The following FASTKD5 variants were observed in gnomAD, a reference collection of about 807,000 sequenced individuals.
FASTKD5 encodes non-canonical pre-mRNAs endonuclease FASTKD5, mitochondrial.
FASTKD5 carries 30 observed loss-of-function variants against 44.0 expected under a neutral mutation model. The observed-to-expected ratio is 0.68, with a 90% CI of 0.51 to 0.93. FASTKD5 has a LOEUF of 0.93. Ranked by LOEUF, FASTKD5 falls within the 40% of genes least tolerant of loss-of-function variation. FASTKD5 has a pLI of 0.00. For synonymous variants in FASTKD5, 335 were observed against 342.2 expected (o/e 0.98, Z 0.23); for missense variants, 868 against 908.2 (o/e 0.96, Z 0.57).
chr20:3,158,712 G>C (rs937789774), intron 1 of FASTKD5, among the ~76,000 whole-genome samples: 1 of 151,876 alleles, frequency 6.6e-6, no homozygotes, highest in African/African-American at 2.4e-5. Context: ...CTGACCTCGT[G>C]ATCCGCCCGC....
At chr20:3,152,067 TGC>T (rs2066631662) in intron 1 of FASTKD5, among the ~76,000 whole-genome samples, 1 of 133,106 alleles carries the variant, frequency 7.5e-6, no homozygotes, top group South Asian at 2.3e-4. Context: ...ATGGTGCCAC[TGC>T]ACTGCAGCCT....
Position 3,148,900 on chromosome 20 carries a change from C to T in FASTKD5, c.171G>A (p.Lys57=), listed in dbSNP as rs1387409429. ...ISLCHSAKKV[K]NICSTFSSRR... Reference sequence around the variant, plus strand: ...GAGAAGAGAAGGTGCTACATATGTTCTTAACTTTTTTGGCAGAATGGCAGA... The same window carrying T: ...GAGAAGAGAAGGTGCTACATATGTTTTTAACTTTTTTGGCAGAATGGCAGA... Residue 57 remains lysine (K), a synonymous_variant, in exon 2 of 2, where the codon AAG becomes AAA. Transcript: ENST00000380266. The T allele has an allele frequency of 6.8e-6, 11 of 1,614,172 alleles. No individual in the cohort carries two copies. The Middle Eastern group carries it at 4.9e-4, about 73-fold the overall frequency.
rs769074704 is a variant in FASTKD5 at position 3,149,029 on chromosome 20, T to C, written c.42A>G (p.Arg14=). 3.1e-6 allele frequency: 5 copies of C among 1,613,852 alleles called. No individual in the cohort carries two copies. In the Admixed American group the frequency reaches 8.3e-5, roughly 27 times the overall value. Residue 14 remains arginine, a synonymous_variant, in exon 2 of 2, where the codon CGA becomes CGG. Transcript: ENST00000380266. This position sits in a 1 kb window ranked among gnomAD's most constrained non-coding sequence, Gnocchi z 4.1. ...TLKSLKLVRY[R]AFCSPSAFGA... ...CAAAGGCAGAAGGACTGCAAAATGCTCGGTATCTTACAAGTTTTAATGACT... is the reference window on the plus strand; with the variant it reads ...CAAAGGCAGAAGGACTGCAAAATGCCCGGTATCTTACAAGTTTTAATGACT...
chr20:3,150,608 T>A (rs2148623097), intron 1 of FASTKD5: 2 of 152,374 alleles, frequency 1.3e-5, no homozygotes, highest in East Asian at 3.9e-4. Context: ...GGGCTGTTGC[T>A]GCAGAAAACT....
chr20:3,153,534 T>C (rs890192027), intron 1 of FASTKD5, among the ~76,000 whole-genome samples: 16 of 152,238 alleles, frequency 1.1e-4, no homozygotes, highest in African/African-American at 3.9e-4. Flanking sequence ...TTAAAGACTG[T>C]CTGACTCTTC....
chr20:3,152,194 T>C (rs370791464), intron 1 of FASTKD5, among the ~76,000 whole-genome samples: 4 of 151,488 alleles, frequency 2.6e-5, no homozygotes, highest in African/African-American at 4.9e-5. Context: ...AGAAGACCTA[T>C]TTTTGGCTGG....
intron 1 of FASTKD5, among the ~76,000 whole-genome samples, chr20:3,154,539 C>T (rs2066664947): frequency 6.6e-6 from 1 of 152,024 alleles, no homozygotes; most frequent in African/African-American, 2.4e-5. Flanking sequence ...AGAAATTAGC[C>T]AAGCCTGGTG....
At chr20:3,156,352 A>G (rs1321705924) in intron 1 of FASTKD5, among the ~76,000 whole-genome samples, 1 of 151,614 alleles carries the variant, frequency 6.6e-6, no homozygotes, top group Non-Finnish European at 1.5e-5. Context: ...ATTTTTTTGT[A>G]TTTTTTGGTA....
chr20:3,149,060 G>A lies in FASTKD5; in HGVS notation c.11C>T (p.Thr4Ile). MAATLKSLKLVRYR... is the reference protein window; with the variant it reads MAAILKSLKLVRYR... ...TCTTACAAGTTTTAATGACTTGAGA[G>A]TAGCTGCCATTCTGGTGTCAGTATT... The change falls in exon 2 of 2, where the codon ACT (threonine) becomes ATT (isoleucine). Residue 4 changes from threonine to isoleucine, a missense_variant. Transcript: ENST00000380266. The surrounding 1 kb of genome is among the most constrained non-coding windows in gnomAD (Gnocchi z 4.1). 16 of 1,610,312 alleles carry A rather than the reference G, an allele frequency of 9.9e-6. No homozygotes were observed. The highest frequency in any genetic ancestry group is 1.4e-5 in the Non-Finnish European group (16 of 1,177,778).
rs1336237528 is a variant in FASTKD5, at chr20:3,151,593, G to A, written c.-190-2333C>T. On this transcript the variant is annotated intron_variant, in intron 1 of 1. Transcript: ENST00000380266. ...GCTTGAGGCCAGGAGTTTGAGACCA[G>A]CCTGAACAACACAGCAAGACTGTCT... 5.3e-5 allele frequency: 8 copies of A among 151,622 alleles called. No homozygotes were observed. In the East Asian group the frequency reaches 9.7e-4, roughly 18 times the overall value. The allele number at this position is 151,622 out of a possible 1,614,324, so 9.4% of individuals were successfully genotyped here.
chr20:3,149,035 TCTTA>T lies in FASTKD5; in HGVS notation c.32_35del (p.Val11AspfsTer22). 2 of 1,613,638 alleles carry T rather than the reference TCTTA, an allele frequency of 1.2e-6. No homozygotes were observed. The highest frequency in any genetic ancestry group is 1.7e-6 in the Non-Finnish European group (2 of 1,179,750). ...CAGAAGGACTGCAAAATGCTCGGTATCTTACAAGTTTTAATGACTTGAGAGTAGC... is the reference window on the plus strand; with the variant it reads ...CAGAAGGACTGCAAAATGCTCGGTATCAAGTTTTAATGACTTGAGAGTAGC... On this transcript the variant is annotated frameshift_variant, in exon 2 of 2. Coordinates refer to ENST00000380266, the MANE Select transcript of FASTKD5 (RefSeq NM_021826.5). LOFTEE classifies it high-confidence loss of function. This position sits in a 1 kb window ranked among gnomAD's most constrained non-coding sequence, Gnocchi z 4.1.
In FASTKD5 at chr20:3,147,012, C is replaced by G. The variant is rs371032615; in HGVS notation, c.2059G>C (p.Ala687Pro). 3.7e-6 allele frequency: 6 copies of G among 1,614,030 alleles called. No homozygotes were observed. The African/African-American group carries it at 6.7e-5, about 18-fold the overall frequency. The change falls in exon 2 of 2, where the codon GCA becomes CCA. Residue 687 changes from alanine (A) to proline (P), a missense_variant. Ala to Pro is a conservative substitution (Grantham distance 27, BLOSUM62 -1). Transcript: ENST00000380266. Reference protein sequence around the residue: ...GAMEMAGLCPAACMQTPRMKL... With the variant: ...GAMEMAGLCPPACMQTPRMKL... ...ATTCTTGGGGTCTGCATGCAGGCTG[C>G]GGGGCACAGGCCAGCCATCTCCATG...
Position 3,146,882 on chromosome 20 carries a change from T to C in FASTKD5, c.2189A>G (p.Tyr730Cys), listed in dbSNP as rs766983390. ...MKRRQLARLG[Y>C]RVVELSYWEW... ...CCAGTAGGATAACTCTACCACACGG[T>C]AGCCAAGCCGAGCCAGCTGCCGCCT... is the stretch of plus-strand genomic sequence containing the variant. Residue 730 changes from tyrosine to cysteine, a missense_variant, in exon 2 of 2, where the codon TAC becomes TGC. Physicochemically the swap from Tyr to Cys is radical, Grantham distance 194. Coordinates refer to ENST00000380266, the MANE Select transcript of FASTKD5 (RefSeq NM_021826.5). 5 of 1,614,148 alleles carry C rather than the reference T, an allele frequency of 3.1e-6. No homozygotes were observed. The highest frequency in any genetic ancestry group is 4.2e-6 in the Non-Finnish European group (5 of 1,180,028).
Position 3,147,930 on chromosome 20 carries a change from C to T in FASTKD5, c.1141G>A (p.Ala381Thr), listed in dbSNP as rs2066584650. The T allele has an allele frequency of 2.5e-6, 4 of 1,614,094 alleles. No individual in the cohort carries two copies. The East Asian group carries it at 6.7e-5, about 27-fold the overall frequency. The change falls in exon 2 of 2, where the codon GCT becomes ACT. Residue 381 changes from alanine to threonine, a missense_variant. By Grantham distance (58) the Ala-to-Thr change is moderately conservative. Transcript: ENST00000380266. The part of the protein sequence containing the change: ...INFMKQIGEI[A>T]PQRIPSLGVQ... Reference sequence around the variant, plus strand: ...CCCAGGGAAGGAATTCGCTGAGGAGCTATCTCTCCAATCTGCTTCATGAAA... The same window carrying T: ...CCCAGGGAAGGAATTCGCTGAGGAGTTATCTCTCCAATCTGCTTCATGAAA...
In FASTKD5 at chr20:3,149,528, C is replaced by T. The variant is rs774042046; in HGVS notation, c.-190-268G>A. Among the ~76,000 whole-genome samples, 9 of 152,096 alleles carry T rather than the reference C, an allele frequency of 5.9e-5. No homozygotes were observed. The highest frequency in any genetic ancestry group is 1.3e-4 in the Non-Finnish European group (9 of 68,008). ...CTTCACTGTACAAGGCAAGCAGTGA[C>T]GGCTAAAGAAGAGACGGTGCTCCGC... On this transcript the variant is annotated intron_variant, in intron 1 of 1. Transcript: ENST00000380266. This position sits in a 1 kb window ranked among gnomAD's most constrained non-coding sequence, Gnocchi z 4.1.
chr20:3,154,760 T>G (rs1422669724), intron 1 of FASTKD5, among the ~76,000 whole-genome samples: 1 of 152,144 alleles, frequency 6.6e-6, no homozygotes, highest in East Asian at 1.9e-4. Flanking sequence ...TAACATAATT[T>G]TATTAATATA....
intron 1 of FASTKD5, among the ~76,000 whole-genome samples, chr20:3,159,254 G>A (rs2066721408): frequency 1.3e-5 from 2 of 152,214 alleles, no homozygotes; most frequent in African/African-American, 2.4e-5. Context: ...GTTTACCGAA[G>A]ACTCCGCATC....
intron 1 of FASTKD5, among the ~76,000 whole-genome samples, chr20:3,153,865 C>A (rs1191853473): frequency 6.6e-6 from 1 of 152,136 alleles, no homozygotes; most frequent in Non-Finnish European, 1.5e-5. Context: ...ATTCAAAAAT[C>A]CAAAATCTGA....
chr20:3,148,680 T>G lies in FASTKD5; in HGVS notation c.391A>C (p.Asn131His). 1.2e-6 allele frequency: 2 copies of G among 1,614,236 alleles called. No homozygotes were observed. Among genetic ancestry groups the G allele is most frequent in the Non-Finnish European group, 1.7e-6 (2 of 1,180,036 alleles). Reference sequence around the variant, plus strand: ...AGGAGCTGAGAAGTCTCAGATGCATTATAGCTGTGAACACGGTATTCTGGT... The same window carrying G: ...AGGAGCTGAGAAGTCTCAGATGCATGATAGCTGTGAACACGGTATTCTGGT... ...LRPEYRVHSY[N>H]ASETSQLLSV... The change falls in exon 2 of 2, where the codon AAT (asparagine) becomes CAT (histidine). Residue 131 changes from asparagine to histidine, a missense_variant. Physicochemically the swap from Asn to His is moderately conservative, Grantham distance 68 (BLOSUM62 1). Coordinates refer to ENST00000380266, the MANE Select transcript of FASTKD5 (RefSeq NM_021826.5).
Sources: allele counts gnomAD v4.1 joint callset (sites outside exome capture counted in the v4.1 genomes callset), GRCh38; gene constraint gnomAD v4.1.1; non-coding constraint Gnocchi (gnomAD v3.1); transcripts MANE v1.5; gene names NCBI Gene and HGNC (gene_info 2026-07-23, HGNC 2026-07-21).